The following PRKCA variants were observed in gnomAD, a reference collection of about 807,000 sequenced individuals.
PRKCA encodes protein kinase C alpha type.
In PRKCA, 27 loss-of-function variants were observed where a neutral mutation model predicts 87.0. The observed-to-expected ratio is 0.31, with a 90% CI of 0.23 to 0.43. The LOEUF (loss-of-function observed/expected upper bound fraction) is 0.43. Among genes scored for constraint, PRKCA ranks in the 20% least tolerant of loss-of-function variants. The pLI is 1.00. For missense variants in PRKCA, 518 were observed against 852.3 expected, an observed-to-expected ratio of 0.61 and a Z score of 4.88; for synonymous variants, 329 against 311.1, an observed-to-expected ratio of 1.06 and a Z score of -0.61.
intron 3 of PRKCA, among the ~76,000 whole-genome samples, chr17:66,623,125 C>T (rs1249655637): frequency 6.6e-6 from 1 of 152,230 alleles, no homozygotes; most frequent in African/African-American, 2.4e-5. Context: ...AGTTGAATTG[C>T]TCCTTCTTTG....
intron 16 of PRKCA, among the ~76,000 whole-genome samples, chr17:66,797,326 A>C (rs909294816): frequency 2.6e-5 from 4 of 152,214 alleles, no homozygotes; most frequent in African/African-American, 9.7e-5. Flanking sequence ...CATCTTTACC[A>C]ATGCCTGATT....
At chr17:66,757,587 A>G (rs1286377817) in intron 13 of PRKCA, among the ~76,000 whole-genome samples, 1 of 152,036 alleles carries the variant, frequency 6.6e-6, no homozygotes, top group East Asian at 1.9e-4. Flanking sequence ...AAAAAAAAAA[A>G]AAACGAACCT....
chr17:66,525,787 A>T (rs75416590), intron 3 of PRKCA, among the ~76,000 whole-genome samples: 1 of 152,170 alleles, frequency 6.6e-6, no homozygotes, highest in Non-Finnish European at 1.5e-5. Context: ...TCCTGACTTC[A>T]TGAATTAAAC....
At chr17:66,735,411 C>A in intron 9 of PRKCA, 78 bp from the exon 10 acceptor site, 2 of 1,485,732 alleles carry the variant, frequency 1.3e-6, no homozygotes, top group South Asian at 1.1e-5. Flanking sequence ...ACTGAGCCGT[C>A]ACCTGGCCTG....
chr17:66,416,800 C>T (rs997786269), intron 2 of PRKCA: 2 of 152,218 alleles, frequency 1.3e-5, no homozygotes, highest in Non-Finnish European at 2.9e-5. Flanking sequence ...GACTGCACAC[C>T]CCGGGTGCCA....
chr17:66,741,238 T>C (rs1419719699), intron 11 of PRKCA, among the ~76,000 whole-genome samples: 1 of 152,228 alleles, frequency 6.6e-6, no homozygotes, highest in Admixed American at 6.5e-5. Context: ...CATCACCCAC[T>C]ATACTTTGCC....
intron 2 of PRKCA, among the ~76,000 whole-genome samples, chr17:66,470,524 G>A (rs1370150674): frequency 6.6e-6 from 1 of 151,912 alleles, no homozygotes; most frequent in Admixed American, 6.5e-5. Flanking sequence ...CACCGCGCCC[G>A]GCCCCAGTTT....
chr17:66,467,795 C>T (rs1026843048), intron 2 of PRKCA, among the ~76,000 whole-genome samples: 3 of 151,946 alleles, frequency 2.0e-5, no homozygotes, highest in African/African-American at 4.8e-5. Context: ...TGGGCTCAAG[C>T]GATCCCCACG....
intron 3 of PRKCA, among the ~76,000 whole-genome samples, chr17:66,607,064 A>G (rs1054963118): frequency 6.6e-6 from 1 of 152,190 alleles, no homozygotes; most frequent in African/African-American, 2.4e-5. Flanking sequence ...TTAAGTTTTA[A>G]AACATTTTTA....
chr17:66,569,217 C>A (rs1485482191), intron 3 of PRKCA, among the ~76,000 whole-genome samples: 2 of 152,030 alleles, frequency 1.3e-5, no homozygotes, highest in African/African-American at 2.4e-5. Context: ...GAAAGGTAGA[C>A]TGGTATTGGG....
At chr17:66,546,025 T>G (rs1025332516) in intron 3 of PRKCA, among the ~76,000 whole-genome samples, 1 of 152,266 alleles carries the variant, frequency 6.6e-6, no homozygotes, top group Non-Finnish European at 1.5e-5. Flanking sequence ...CTTTTACTTT[T>G]CATATATCTG....
intron 2 of PRKCA, among the ~76,000 whole-genome samples, chr17:66,353,803 G>A (rs931540649): frequency 6.6e-5 from 10 of 152,162 alleles, no homozygotes; most frequent in African/African-American, 2.4e-4. Flanking sequence ...TGAGATTTTT[G>A]TGGCTTGCTC....
chr17:66,352,347 T>C (rs1567785525), intron 2 of PRKCA, among the ~76,000 whole-genome samples: 3 of 152,084 alleles, frequency 2.0e-5, no homozygotes, highest in Admixed American at 1.3e-4. Flanking sequence ...TGAAATGTAC[T>C]ATCTGAGGCC....
intron 16 of PRKCA, among the ~76,000 whole-genome samples, chr17:66,800,524 C>A (rs1338958995): frequency 6.6e-6 from 1 of 152,236 alleles, no homozygotes; most frequent in African/African-American, 2.4e-5. Flanking sequence ...TCAAGCCTCC[C>A]TCTCCAGGCT....
intron 8 of PRKCA, among the ~76,000 whole-genome samples, chr17:66,691,818 A>G (rs1160530516): frequency 1.3e-5 from 2 of 152,218 alleles, no homozygotes; most frequent in Non-Finnish European, 2.9e-5. Context: ...GGCGTTCCCC[A>G]CAGGGTTCCT....
At chr17:66,504,541 A>C (rs571622116) in intron 3 of PRKCA, among the ~76,000 whole-genome samples, 1 of 151,958 alleles carries the variant, frequency 6.6e-6, no homozygotes, top group African/African-American at 2.4e-5. Flanking sequence ...GCAGTGAGCC[A>C]AGATTGCACC....
chr17:66,673,555 A>G (rs973053522), intron 5 of PRKCA, among the ~76,000 whole-genome samples: 1 of 152,224 alleles, frequency 6.6e-6, no homozygotes, highest in African/African-American at 2.4e-5. Flanking sequence ...CACAAAATTT[A>G]GGGGTCATTA....
chr17:66,772,508 A>T (rs1253900362), intron 13 of PRKCA, among the ~76,000 whole-genome samples: 1 of 152,148 alleles, frequency 6.6e-6, no homozygotes, highest in Admixed American at 6.5e-5. Flanking sequence ...TAAAAAAAAA[A>T]AATCCCAGAA....
At chr17:66,703,443 T>A (rs1973112317) in intron 8 of PRKCA, 1 of 152,182 alleles carries the variant, frequency 6.6e-6, no homozygotes, top group South Asian at 2.1e-4. Context: ...CCTTCTGGAA[T>A]ACCTCCTGAA....
Sources: gnomAD v4.1 joint callset for allele counts (sites outside exome capture counted in the v4.1 genomes callset) on GRCh38, gnomAD v4.1.1 for gene constraint, MANE v1.5 for transcripts, NCBI Gene and HGNC (gene_info 2026-07-23, HGNC 2026-07-21) for gene names.